MGST1: variants seen among roughly 807,000 people sequenced by gnomAD.
MGST1 encodes microsomal glutathione S-transferase 1.
Under a neutral mutation model 8.9 loss-of-function variants are expected in MGST1, and 5 were observed. That is an observed-to-expected ratio of 0.56 (90% CI 0.29 to 1.19). MGST1 has a LOEUF of 1.19. Ranked by LOEUF, MGST1 falls within the 50% of genes most tolerant of loss-of-function variation. The pLI, the probability that MGST1 is intolerant of heterozygous loss-of-function variation, is 0.08. For missense variants in MGST1, 182 were observed against 187.4 expected, an observed-to-expected ratio of 0.97 and a Z score of 0.17; for synonymous variants, 54 against 67.8, an observed-to-expected ratio of 0.80 and a Z score of 1.00.
chr12:16,448,251 A>G (rs547521982), intron 4 of MGST1, among the ~76,000 whole-genome samples: 9 of 152,038 alleles, frequency 5.9e-5, no homozygotes, highest in African/African-American at 2.2e-4. Flanking sequence ...AATTTCTCCT[A>G]TAATTTATAT....
chr12:16,574,416 G>C (rs1376426073), intron 4 of MGST1, among the ~76,000 whole-genome samples: 1 of 152,058 alleles, frequency 6.6e-6, no homozygotes, highest in Non-Finnish European at 1.5e-5. Flanking sequence ...CGGATTTGCT[G>C]CTCTCCAACC....
rs565662947 is a variant in MGST1, at chr12:16,460,255, T to C, written n.482+76651T>C. On this transcript the variant is annotated intron_variant and non_coding_transcript_variant, in intron 4 of 4. Coordinates refer to the MGST1 transcript ENST00000538857. Reference sequence around the variant, plus strand: ...TTGGATGAAAACCTAAATGTCCACTTTAGCTATTATCATTCAATGAAGCAG... The same window carrying C: ...TTGGATGAAAACCTAAATGTCCACTCTAGCTATTATCATTCAATGAAGCAG... 2.0e-5 allele frequency among the ~76,000 whole-genome samples: 3 copies of C among 152,250 alleles called. No homozygotes were observed. In the South Asian group the frequency reaches 6.2e-4, roughly 32 times the overall value.
At chr12:16,540,499 T>G (rs542839332) in intron 4 of MGST1, among the ~76,000 whole-genome samples, 1 of 152,360 alleles carries the variant, frequency 6.6e-6, no homozygotes, top group East Asian at 1.9e-4. Flanking sequence ...GAGGATGAGA[T>G]GAAATACTCT....
intron 1 of MGST1, among the ~76,000 whole-genome samples, chr12:16,409,614 G>A (rs61915277): frequency 1.3e-4 from 20 of 152,098 alleles, no homozygotes; most frequent in Non-Finnish European, 2.5e-4. Context: ...CTAGAATACA[G>A]AAGTGTAAGC....
chr12:16,543,357 T>C (rs1453248412), intron 4 of MGST1, among the ~76,000 whole-genome samples: 1 of 152,150 alleles, frequency 6.6e-6, no homozygotes, highest in Non-Finnish European at 1.5e-5. Flanking sequence ...GACTACGGCC[T>C]GAATCCTCAA....
intron 1 of MGST1, among the ~76,000 whole-genome samples, chr12:16,433,488 A>G (rs1319251295): frequency 6.6e-6 from 1 of 152,104 alleles, no homozygotes; most frequent in African/African-American, 2.4e-5. Flanking sequence ...GAAGGTAGGA[A>G]AAAGCCTATG....
rs68115649 is a variant in MGST1, at chr12:16,557,367, A to ATT, written n.483-32144_483-32143dup. Among the ~76,000 whole-genome samples the ATT allele has an allele frequency of 4.7e-3, 673 of 142,734 alleles. 2 individuals carry two copies. Among genetic ancestry groups the ATT allele is most frequent in the South Asian group, 7.2e-3 (32 of 4,438 alleles). 93.6% of individuals were successfully genotyped at this position (142,734 alleles called of 152,430 possible). A position where few individuals can be genotyped will look rare whatever the true frequency, so the allele number is the denominator to read the frequency against. ...TCTTTCATCCCTTAAGGTGGCAAGG[A>ATT]TTTTTTTTTTTTTTTTTTAAACGTA... On this transcript the variant is annotated intron_variant and non_coding_transcript_variant, in intron 4 of 4. Transcript: ENST00000538857.
rs145784152 is a variant in MGST1, at chr12:16,544,128, C to T, written n.483-45400C>T. On this transcript the variant is annotated intron_variant and non_coding_transcript_variant, in intron 4 of 4. Transcript: ENST00000538857. This position sits in a 1 kb window ranked among gnomAD's most constrained non-coding sequence, Gnocchi z 4.8. ...CACAGCATCTTACTGTGCTGCACTG[C>T]GTTTTTCTCATGCCTTTTATTTTTG... 1.3e-3 allele frequency among the ~76,000 whole-genome samples: 196 copies of T among 151,338 alleles called. 1 individual carries two copies. Among genetic ancestry groups the T allele is most frequent in the African/African-American group, 4.4e-3 (182 of 41,276 alleles).
intron 1 of MGST1, among the ~76,000 whole-genome samples, chr12:16,388,244 A>G (rs1940522195): frequency 6.6e-6 from 1 of 152,018 alleles, no homozygotes; most frequent in Non-Finnish European, 1.5e-5. Flanking sequence ...GTGTACCTAA[A>G]CATAGAAAAG....
At chr12:16,495,159 A>G (rs1040051503) in intron 4 of MGST1, among the ~76,000 whole-genome samples, 1 of 152,138 alleles carries the variant, frequency 6.6e-6, no homozygotes, top group African/African-American at 2.4e-5. Flanking sequence ...ATCTTTTGAA[A>G]TGCTGCAACA....
Position 16,354,385 on chromosome 12 carries a change from A to C in MGST1, c.126+7A>C, listed in dbSNP as rs768109573. 6 of 1,585,628 alleles carry C rather than the reference A, an allele frequency of 3.8e-6. No homozygotes were observed. Among genetic ancestry groups the C allele is most frequent in the East Asian group, 2.3e-5 (1 of 44,200 alleles). On this transcript the variant is annotated splice_region_variant and intron_variant, in intron 2 of 3. Coordinates refer to ENST00000396210, the MANE Select transcript of MGST1 (RefSeq NM_020300.5). ...CTATAGATTGACAAGAAAGGTAAGA[A>C]ATTTGGAGGTAATATTTTCTTACTT...
intron 4 of MGST1, among the ~76,000 whole-genome samples, chr12:16,583,726 G>C (rs1402541191): frequency 6.6e-6 from 1 of 152,180 alleles, no homozygotes; most frequent in Non-Finnish European, 1.5e-5. Context: ...TTGAAAAAGG[G>C]TAGCATACCC....
At chr12:16,373,528 T>C (rs1184259565) in intron 3 of MGST1, among the ~76,000 whole-genome samples, 5 of 151,968 alleles carry the variant, frequency 3.3e-5, no homozygotes, top group Admixed American at 6.6e-5. Flanking sequence ...ATAACTGTTA[T>C]GTATCCGTAT....
chr12:16,474,612 A>C (rs926567173), intron 4 of MGST1, among the ~76,000 whole-genome samples: 1 of 152,184 alleles, frequency 6.6e-6, no homozygotes, highest in Non-Finnish European at 1.5e-5. Flanking sequence ...CTGAACACAC[A>C]AATTCATATA....
intron 4 of MGST1, among the ~76,000 whole-genome samples, chr12:16,468,584 T>C (rs1941270297): frequency 6.6e-6 from 1 of 152,206 alleles, no homozygotes; most frequent in African/African-American, 2.4e-5. Context: ...CTTGAGTGTA[T>C]ATAGCTTATT....
intron 4 of MGST1, among the ~76,000 whole-genome samples, chr12:16,580,795 T>A (rs1465648143): frequency 5.3e-5 from 8 of 152,214 alleles, no homozygotes; most frequent in Admixed American, 3.9e-4. Context: ...TGCTAATCTC[T>A]ATTGTTAAAT....
chr12:16,412,837 T>A (rs10846360), intron 1 of MGST1, among the ~76,000 whole-genome samples: 48,488 of 152,080 alleles, frequency 0.32, 7,776 homozygotes, highest in East Asian at 0.42. Flanking sequence ...GTCTCAAGTA[T>A]GTCTTTATTA....
intron 4 of MGST1, among the ~76,000 whole-genome samples, chr12:16,580,842 G>A (rs1943137705): frequency 1.3e-5 from 2 of 152,044 alleles, no homozygotes. Context: ...TGCAATAAAA[G>A]CTTTTATTAA....
Position 16,401,986 on chromosome 12 carries a change from A to G in MGST1, n.778+18382A>G. On this transcript the variant is annotated intron_variant and non_coding_transcript_variant, in intron 1 of 1. Transcript: ENST00000359720. This position sits in a 1 kb window ranked among gnomAD's most constrained non-coding sequence, Gnocchi z 4.3. ...AGGCAGTCATTCCAGCTCTTCATGA[A>G]CTCTCCAGGGAATTTGTCTTTGCTG... is the stretch of plus-strand genomic sequence containing the variant. 6.2e-7 allele frequency: 1 copy of G among 1,611,496 alleles called. No homozygotes were observed. Among genetic ancestry groups the G allele is most frequent in the Non-Finnish European group, 8.5e-7 (1 of 1,178,064 alleles).
Sources: allele counts gnomAD v4.1 joint callset (sites outside exome capture counted in the v4.1 genomes callset), GRCh38; gene constraint gnomAD v4.1.1; non-coding constraint Gnocchi (gnomAD v3.1); transcripts MANE v1.5; gene names NCBI Gene and HGNC (gene_info 2026-07-23, HGNC 2026-07-21).